GLP2R: variants seen among roughly 807,000 people sequenced by gnomAD.
GLP2R encodes glucagon like peptide 2 receptor, also known as glucagon-like peptide 2 receptor.
A neutral mutation model predicts 68.2 loss-of-function variants in GLP2R; 59 were observed. The observed-to-expected ratio is 0.87, with a 90% CI of 0.70 to 1.07. The LOEUF (loss-of-function observed/expected upper bound fraction) is 1.07. Ranked by LOEUF, GLP2R falls within the 50% of genes least tolerant of loss-of-function variation. GLP2R has a pLI of 0.00. For synonymous variants in GLP2R, 270 were observed against 265.4 expected, an observed-to-expected ratio of 1.02 and a Z score of -0.17; for missense variants, 548 against 677.4, an observed-to-expected ratio of 0.81 and a Z score of 2.12.
chr17:9,887,822 C>A, intron 11 of GLP2R, 110 bp from the exon 12 acceptor site: 1 of 800,534 alleles, frequency 1.2e-6, no homozygotes. Context: ...AGTTGCACGC[C>A]TCTTCTGGAG....
chr17:9,863,773 C>T (rs143443287), intron 9 of GLP2R, among the ~76,000 whole-genome samples: 40 of 152,314 alleles, frequency 2.6e-4, no homozygotes, highest in African/African-American at 8.9e-4. Flanking sequence ...CCTGTGCAGG[C>T]TTCTGCTCCA....
intron 4 of GLP2R, among the ~76,000 whole-genome samples, chr17:9,850,523 A>T (rs2066881411): frequency 6.6e-6 from 1 of 152,122 alleles, no homozygotes; most frequent in African/African-American, 2.4e-5. Flanking sequence ...GACTGGCAAG[A>T]TTTGGTATGT....
chr17:9,865,800 G>A (rs1237063824), intron 9 of GLP2R: 2 of 470,990 alleles, frequency 4.2e-6, no homozygotes, highest in East Asian at 6.9e-5. Context: ...TCTTAGAGAG[G>A]ACATTGCTTA....
rs2066972425 is a variant in GLP2R, at chr17:9,859,959, C to T, written c.783C>T (p.Arg261=). ...CTCTGCAGATGTCCACCTCCTGCCG[C>T]TCAGTCCAGGTTCTCTTGCATTACT... ...SYLSEMSTSC[R]SVQVLLHYFV... is the part of the protein sequence containing the mutation. Residue 261 remains arginine, a synonymous_variant, in exon 7 of 13, where the codon CGC becomes CGT. Coordinates refer to ENST00000262441, the MANE Select transcript of GLP2R (RefSeq NM_004246.3). The T allele has an allele frequency of 6.2e-7, 1 of 1,609,240 alleles. No homozygotes were observed. Among genetic ancestry groups the T allele is most frequent in the African/African-American group, 1.3e-5 (1 of 74,742 alleles).
At chr17:9,827,109 TCTACCCG>T (rs1199560068) in intron 1 of GLP2R, among the ~76,000 whole-genome samples, 1 of 152,122 alleles carries the variant, frequency 6.6e-6, no homozygotes, top group African/African-American at 2.4e-5. Context: ...CCTCAAGTGA[TCTACCCG>T]CCTCGGCCTC....
intron 10 of GLP2R, among the ~76,000 whole-genome samples, chr17:9,875,386 G>A (rs1386509420): frequency 6.6e-6 from 1 of 152,172 alleles, no homozygotes; most frequent in Non-Finnish European, 1.5e-5. Flanking sequence ...AGGTGACAGG[G>A]CCCAGCATAT....
intron 1 of GLP2R, among the ~76,000 whole-genome samples, chr17:9,831,472 A>G (rs1366748733): frequency 6.6e-6 from 1 of 152,152 alleles, no homozygotes; most frequent in Non-Finnish European, 1.5e-5. Context: ...GGGATCGGTC[A>G]TGCAGGGGAA....
At chr17:9,842,163 G>A (rs1488068955) in intron 3 of GLP2R, among the ~76,000 whole-genome samples, 3 of 152,090 alleles carry the variant, frequency 2.0e-5, no homozygotes, top group Non-Finnish European at 4.4e-5. Flanking sequence ...AGGAAGAGAT[G>A]CCCCACCTAG....
intron 1 of GLP2R, among the ~76,000 whole-genome samples, chr17:9,832,289 T>G (rs903741790): frequency 6.6e-6 from 1 of 151,562 alleles, no homozygotes; most frequent in Non-Finnish European, 1.5e-5. Context: ...AATACAAAAA[T>G]GAGGGCCCAG....
At chr17:9,860,996 C>G (rs1461155739) in intron 7 of GLP2R, 143 bp from the exon 8 acceptor site, 3 of 645,542 alleles carry the variant, frequency 4.6e-6, no homozygotes, top group African/African-American at 3.5e-5. Flanking sequence ...CACCCTGGGT[C>G]TCTCCAGCTC....
At position 9,826,255 on chromosome 17, in the gene GLP2R, A is replaced by G; in HGVS notation, c.189+3A>G. The G allele has an allele frequency of 6.4e-7, 1 of 1,568,028 alleles. No individual in the cohort carries two copies. Among genetic ancestry groups the G allele is most frequent in the Non-Finnish European group, 8.6e-7 (1 of 1,162,016 alleles). Reference sequence around the variant, plus strand: ...TCCTGCTGGTTTCCATCAAGCAAGTAAGAGCAGTTCATTATTATTATTATT... The same window carrying G: ...TCCTGCTGGTTTCCATCAAGCAAGTGAGAGCAGTTCATTATTATTATTATT... On this transcript the variant is annotated splice_donor_region_variant and intron_variant, in intron 1 of 12. Coordinates refer to ENST00000262441, the MANE Select transcript of GLP2R (RefSeq NM_004246.3).
chr17:9,885,978 G>A (rs2067240788), intron 11 of GLP2R, among the ~76,000 whole-genome samples: 2 of 152,152 alleles, frequency 1.3e-5, no homozygotes, highest in South Asian at 4.2e-4. Context: ...TTTGTACCAG[G>A]ACTGAGCCAG....
chr17:9,831,987 C>G (rs1049179264), intron 1 of GLP2R, among the ~76,000 whole-genome samples: 1 of 152,154 alleles, frequency 6.6e-6, no homozygotes, highest in Non-Finnish European at 1.5e-5. Context: ...TGCATGCCAG[C>G]CAGTTATATA....
intron 7 of GLP2R, among the ~76,000 whole-genome samples, chr17:9,860,803 C>T (rs1206818956): frequency 6.6e-6 from 1 of 152,190 alleles, no homozygotes; most frequent in African/African-American, 2.4e-5. Flanking sequence ...CCCCCTACCT[C>T]CACAAACCCT....
intron 9 of GLP2R, among the ~76,000 whole-genome samples, chr17:9,869,571 G>C (rs1409592742): frequency 6.6e-6 from 1 of 152,258 alleles, no homozygotes; most frequent in Non-Finnish European, 1.5e-5. Flanking sequence ...CTTGGCTGGG[G>C]CTGGAGGATC....
chr17:9,861,639 A>G (rs1474962449), intron 8 of GLP2R, among the ~76,000 whole-genome samples: 2 of 152,244 alleles, frequency 1.3e-5, no homozygotes, highest in Non-Finnish European at 2.9e-5. Context: ...ACTTTTAGGC[A>G]CTGATTCTCA....
chr17:9,862,618 A>G (rs1467694805), intron 9 of GLP2R, among the ~76,000 whole-genome samples: 1 of 152,182 alleles, frequency 6.6e-6, no homozygotes, highest in Non-Finnish European at 1.5e-5. Context: ...TTTGGAATGG[A>G]AAGGGATGGC....
intron 9 of GLP2R, among the ~76,000 whole-genome samples, chr17:9,868,004 G>A (rs61351162): frequency 0.012 from 1,844 of 152,196 alleles, 42 homozygotes; most frequent in African/African-American, 0.042. Flanking sequence ...GACTCTCCCT[G>A]TACTCTGGGT....
At chr17:9,846,433 C>T (rs745878387) in intron 4 of GLP2R, among the ~76,000 whole-genome samples, 38 of 152,102 alleles carry the variant, frequency 2.5e-4, no homozygotes, top group Non-Finnish European at 4.9e-4. Flanking sequence ...CTGGGCAACA[C>T]GGCGAAACCC....
Sources: allele counts gnomAD v4.1 joint callset (sites outside exome capture counted in the v4.1 genomes callset), GRCh38; gene constraint gnomAD v4.1.1; transcripts MANE v1.5; gene names NCBI Gene and HGNC (gene_info 2026-07-23, HGNC 2026-07-21).